Variants in CSMD3 observed in about 807,000 individuals in gnomAD.
CSMD3 encodes the protein CUB and sushi domain-containing protein 3.
Under a neutral mutation model 435.2 loss-of-function variants are expected in CSMD3, and 177 were observed. The observed-to-expected ratio is 0.41, with a 90% CI of 0.36 to 0.46. The LOEUF is 0.46. CSMD3 is among the 20% of genes least tolerant of loss of function. The pLI is 0.34. For synonymous variants in CSMD3, 1,656 were observed against 1,520.5 expected, an observed-to-expected ratio of 1.09 and a Z score of -2.07; for missense variants, 4,265 against 4,504.6, an observed-to-expected ratio of 0.95 and a Z score of 1.52.
At chr8:112,705,917 C>G (rs555674155) in intron 13 of CSMD3, among the ~76,000 whole-genome samples, 1 of 152,092 alleles carries the variant, frequency 6.6e-6, no homozygotes, top group South Asian at 2.1e-4. Flanking sequence ...AGGGAATCCT[C>G]CTTGACTTGC....
At chr8:112,302,165 C>T (rs796560479) in intron 52 of CSMD3, among the ~76,000 whole-genome samples, 199 bp from the exon 53 acceptor site, 4 of 151,592 alleles carry the variant, frequency 2.6e-5, no homozygotes, top group African/African-American at 9.7e-5. Context: ...CTCTTTAAGT[C>T]CCCATAGAAC....
intron 8 of CSMD3, among the ~76,000 whole-genome samples, chr8:112,951,775 T>G (rs954874723): frequency 6.6e-6 from 1 of 151,720 alleles, no homozygotes; most frequent in African/African-American, 2.4e-5. Context: ...AGTATGGATT[T>G]GAAGAATAAG....
intron 6 of CSMD3, among the ~76,000 whole-genome samples, chr8:112,987,099 A>G (rs2085282890): frequency 6.6e-6 from 1 of 152,088 alleles, no homozygotes; most frequent in Admixed American, 6.6e-5. Flanking sequence ...TATTTTATCA[A>G]GATCATATGC....
intron 58 of CSMD3, among the ~76,000 whole-genome samples, chr8:112,283,724 T>A (rs1818896544): frequency 6.6e-6 from 1 of 151,784 alleles, no homozygotes; most frequent in Admixed American, 6.6e-5. Flanking sequence ...GGCTTGGTTT[T>A]ATTTTTCTAT....
chr8:112,626,873 AG>A (rs1231965663), intron 22 of CSMD3, among the ~76,000 whole-genome samples: 1 of 152,184 alleles, frequency 6.6e-6, no homozygotes, highest in Non-Finnish European at 1.5e-5. Context: ...TACGACTTAT[AG>A]CAAAAAATTG....
intron 5 of CSMD3, among the ~76,000 whole-genome samples, chr8:113,085,730 T>C (rs983150221): frequency 1.3e-4 from 20 of 152,134 alleles, no homozygotes; most frequent in African/African-American, 4.8e-4. Context: ...AAAAAAATGG[T>C]GCTCATAGAT....
chr8:113,235,339 C>T (rs1028479423), intron 3 of CSMD3, among the ~76,000 whole-genome samples: 1 of 152,098 alleles, frequency 6.6e-6, no homozygotes, highest in Non-Finnish European at 1.5e-5. Context: ...GCTCTCTCTC[C>T]GCTACCTCAA....
rs1564169161 is a variant in CSMD3 at position 112,976,152 on chromosome 8, T to C, written c.1031-4A>G. On this transcript the variant is annotated splice_region_variant and splice_polypyrimidine_tract_variant and intron_variant, in intron 6 of 70. Coordinates refer to ENST00000297405, the MANE Select transcript of CSMD3 (RefSeq NM_198123.2). ...GTGTGGGTCAATGTAGAAGAACCTG[T>C]GGGACACAGTAGCACTAGATGCTAA... 6.2e-7 allele frequency: 1 copy of C among 1,613,888 alleles called. No homozygotes were observed. Among genetic ancestry groups the C allele is most frequent in the Admixed American group, 1.7e-5 (1 of 59,984 alleles).
intron 12 of CSMD3, among the ~76,000 whole-genome samples, chr8:112,807,932 T>C (rs1157451809): frequency 6.6e-6 from 1 of 152,174 alleles, no homozygotes; most frequent in African/African-American, 2.4e-5. Context: ...CCCTATACCA[T>C]ACTTATTATT....
intron 35 of CSMD3, among the ~76,000 whole-genome samples, chr8:112,394,209 C>A (rs1472639507): frequency 6.6e-6 from 1 of 152,108 alleles, no homozygotes; most frequent in African/African-American, 2.4e-5. Flanking sequence ...ACATTTACAT[C>A]TATTCTCAAT....
intron 1 of CSMD3, among the ~76,000 whole-genome samples, chr8:113,359,376 T>A (rs1038122615): frequency 1.3e-5 from 2 of 152,176 alleles, no homozygotes; most frequent in Non-Finnish European, 2.9e-5. Context: ...GGTGGGTGGT[T>A]TAATTGTGTA....
chr8:112,386,750 G>A (rs1053947882), intron 36 of CSMD3, among the ~76,000 whole-genome samples: 1 of 152,066 alleles, frequency 6.6e-6, no homozygotes, highest in African/African-American at 2.4e-5. Context: ...GCCCGCCTCG[G>A]CCCCCCAAAG....
At chr8:112,610,441 T>C (rs536675502) in intron 22 of CSMD3, among the ~76,000 whole-genome samples, 1 of 152,220 alleles carries the variant, frequency 6.6e-6, no homozygotes, top group Admixed American at 6.5e-5. Flanking sequence ...TTCAACTGTC[T>C]AATATTTCCC....
intron 22 of CSMD3, among the ~76,000 whole-genome samples, chr8:112,607,383 A>G (rs1460309352): frequency 6.6e-6 from 1 of 152,146 alleles, no homozygotes; most frequent in Non-Finnish European, 1.5e-5. Context: ...TGATAATTTC[A>G]TTGTAGAATT....
At chr8:112,656,117 C>T (rs746430882) in intron 18 of CSMD3, 37 bp downstream of exon 18, 11 of 1,123,924 alleles carry the variant, frequency 9.8e-6, no homozygotes, top group Admixed American at 1.7e-5. Flanking sequence ...GTAGGGCAAA[C>T]AGAATGAGGA....
At chr8:113,053,167 T>TA (rs2088171917) in intron 5 of CSMD3, among the ~76,000 whole-genome samples, 1 of 151,916 alleles carries the variant, frequency 6.6e-6, no homozygotes, top group Non-Finnish European at 1.5e-5. Context: ...AAAAAAGAAA[T>TA]AAAAAAAGAA....
chr8:112,732,975 T>C (rs955338191), intron 13 of CSMD3, among the ~76,000 whole-genome samples: 1 of 152,114 alleles, frequency 6.6e-6, no homozygotes, highest in South Asian at 2.1e-4. Context: ...TCAACTTAAC[T>C]TGATCTAAGA....
chr8:113,336,940 AC>A (rs1563717127), intron 1 of CSMD3, among the ~76,000 whole-genome samples: 1 of 152,050 alleles, frequency 6.6e-6, no homozygotes, highest in African/African-American at 2.4e-5. Context: ...CCAGCTCCCC[AC>A]TTAGTCTTTT....
chr8:112,231,176 C>T (rs181688093), intron 69 of CSMD3, among the ~76,000 whole-genome samples: 69 of 152,278 alleles, frequency 4.5e-4, no homozygotes, highest in African/African-American at 9.6e-4. Flanking sequence ...ATGAAAACTG[C>T]GACAATATTC....
Sources: gnomAD v4.1 joint callset for allele counts (sites outside exome capture counted in the v4.1 genomes callset) on GRCh38, gnomAD v4.1.1 for gene constraint, MANE v1.5 for transcripts, NCBI Gene and HGNC (gene_info 2026-07-23, HGNC 2026-07-21) for gene names.